The following SVEP1 variants were observed in gnomAD, a reference collection of about 807,000 sequenced individuals.
SVEP1 encodes sushi, von Willebrand factor type A, EGF and pentraxin domain-containing protein 1.
In SVEP1, 164 loss-of-function variants were observed where a neutral mutation model predicts 367.3. The observed-to-expected ratio is 0.45, with a 90% CI of 0.39 to 0.51. SVEP1 has a LOEUF of 0.51. Ranked by LOEUF, SVEP1 falls within the 20% of genes least tolerant of loss-of-function variation. The probability of loss-of-function intolerance (pLI) is 0.00; values close to 1 mark genes in which losing one functional copy is unlikely to be tolerated. For missense variants in SVEP1, 4,117 were observed against 4,425.3 expected (o/e 0.93, Z 1.98); for synonymous variants, 1,666 against 1,611.6 (o/e 1.03, Z -0.81).
At chr9:110,517,456 G>C (rs867572922) in intron 3 of SVEP1, among the ~76,000 whole-genome samples, 4 of 152,038 alleles carry the variant, frequency 2.6e-5, no homozygotes, top group Non-Finnish European at 4.4e-5. Flanking sequence ...AAGTTAGCTG[G>C]ACATGGTGGC....
At chr9:110,387,577 T>C in intron 41 of SVEP1, 119 bp from the exon 42 acceptor site, 1 of 1,089,350 alleles carries the variant, frequency 9.2e-7, no homozygotes, top group Non-Finnish European at 1.3e-6. Context: ...TACTCATGTG[T>C]GAAGCACAGT....
chr9:110,398,511 G>C (rs902751253), intron 40 of SVEP1, among the ~76,000 whole-genome samples: 3 of 152,128 alleles, frequency 2.0e-5, no homozygotes, highest in Admixed American at 6.6e-5. Flanking sequence ...TTAAACTAAA[G>C]AGCTTCTGCA....
intron 36 of SVEP1, among the ~76,000 whole-genome samples, chr9:110,424,744 A>G (rs1412006155): frequency 1.3e-5 from 2 of 152,146 alleles, no homozygotes; most frequent in Non-Finnish European, 2.9e-5. Flanking sequence ...GCGCGATCTC[A>G]GCTCACTGCA....
At chr9:110,454,085 G>T (rs1229957463) in intron 22 of SVEP1, among the ~76,000 whole-genome samples, 1 of 152,000 alleles carries the variant, frequency 6.6e-6, no homozygotes, top group Non-Finnish European at 1.5e-5. Flanking sequence ...ATTTGTTTAA[G>T]CTCCTTATAG....
chr9:110,366,675 A>C, intron 47 of SVEP1, 115 bp from the exon 48 acceptor site: 4 of 981,192 alleles, frequency 4.1e-6, no homozygotes, highest in Non-Finnish European at 5.8e-6. Context: ...ATACCTGGGC[A>C]TTATCTGTGA....
chr9:110,560,354 A>G (rs1380947906), intron 1 of SVEP1, among the ~76,000 whole-genome samples: 1 of 152,204 alleles, frequency 6.6e-6, no homozygotes. Flanking sequence ...CTCAGAAGGT[A>G]TCCCCATTGT....
intron 11 of SVEP1, 86 bp from the exon 12 acceptor site, chr9:110,481,522 G>T: frequency 1.0e-6 from 1 of 972,894 alleles, no homozygotes; most frequent in East Asian, 3.0e-5. Context: ...ATTTTGAAAA[G>T]GACTCCTCCT....
intron 1 of SVEP1, among the ~76,000 whole-genome samples, chr9:110,559,785 T>C (rs927507655): frequency 3.9e-5 from 6 of 151,994 alleles, no homozygotes; most frequent in African/African-American, 1.4e-4. Context: ...TTTGCAATAA[T>C]AAAAAATTAG....
chr9:110,539,094 G>A (rs764038689), intron 3 of SVEP1, among the ~76,000 whole-genome samples: 1 of 152,010 alleles, frequency 6.6e-6, no homozygotes, highest in African/African-American at 2.4e-5. Flanking sequence ...TAAAATTCTG[G>A]TATTAAAGTT....
At chr9:110,400,728 G>C (rs1827845800) in intron 40 of SVEP1, 126 bp downstream of exon 40, 1 of 1,077,702 alleles carries the variant, frequency 9.3e-7, no homozygotes, top group African/African-American at 1.6e-5. Flanking sequence ...TAGAGTATAA[G>C]GGAACAAAGT....
rs755524760 is a variant in SVEP1, at chr9:110,379,453, A to G, written c.10302T>C (p.Tyr3434=). Reference sequence around the variant, plus strand: ...AACATGAGTAGGTGATCATGTCTCCATATTGATAATGTACGCCTCGAGCAA... The same window carrying G: ...AACATGAGTAGGTGATCATGTCTCCGTATTGATAATGTACGCCTCGAGCAA... ...NAIARGVHYQ[Y]GDMITYSCYS... Residue 3434 remains tyrosine, a synonymous_variant, in exon 44 of 48, where the codon TAT becomes TAC. Coordinates refer to ENST00000374469, the MANE Select transcript of SVEP1 (RefSeq NM_153366.4). 12 of 1,613,708 alleles carry G rather than the reference A, an allele frequency of 7.4e-6. No individual in the cohort carries two copies. In the East Asian group the frequency reaches 2.0e-4, roughly 27 times the overall value.
At chr9:110,492,804 C>T (rs902193577) in intron 8 of SVEP1, among the ~76,000 whole-genome samples, 1 of 152,044 alleles carries the variant, frequency 6.6e-6, no homozygotes, top group African/African-American at 2.4e-5. Flanking sequence ...GCATCCCATT[C>T]CCAGGCTGGA....
At chr9:110,566,806 AG>A (rs1437785885) in intron 1 of SVEP1, among the ~76,000 whole-genome samples, 1 of 152,240 alleles carries the variant, frequency 6.6e-6, no homozygotes, top group East Asian at 1.9e-4. Flanking sequence ...TGAATTTAAA[AG>A]CCCAGAGCCT....
At chr9:110,372,790 G>A (rs1827297917) in intron 46 of SVEP1, among the ~76,000 whole-genome samples, 2 of 152,216 alleles carry the variant, frequency 1.3e-5, no homozygotes, top group African/African-American at 4.8e-5. Context: ...CACAGTGTGT[G>A]ATGGTAGGAT....
In SVEP1 at chr9:110,366,842, G is replaced by A. The variant is rs10114269; in HGVS notation, c.10695-282C>T. Reference sequence around the variant, plus strand: ...CTTACAATTCTCTCTTCTGTAAAATGAGGGGTTTGGAGCTAATGAACCTAA... The same window carrying A: ...CTTACAATTCTCTCTTCTGTAAAATAAGGGGTTTGGAGCTAATGAACCTAA... On this transcript the variant is annotated intron_variant, in intron 47 of 47. Coordinates refer to ENST00000374469, the MANE Select transcript of SVEP1 (RefSeq NM_153366.4). Among the ~76,000 whole-genome samples, 1,088 of 152,216 alleles carry A rather than the reference G, an allele frequency of 7.1e-3. 8 individuals are homozygous for A. Among genetic ancestry groups the A allele is most frequent in the African/African-American group, 0.025 (1,040 of 41,502 alleles).
At chr9:110,366,830 CT>C (rs1338617097) in intron 47 of SVEP1, among the ~76,000 whole-genome samples, 4 of 152,184 alleles carry the variant, frequency 2.6e-5, no homozygotes, top group Non-Finnish European at 5.9e-5. Flanking sequence ...ACAATTCTCT[CT>C]TCTGTAAAAT....
chr9:110,407,729 C>T lies in SVEP1; in HGVS notation c.7871G>A (p.Cys2624Tyr). The change falls in exon 38 of 48, where the codon TGT becomes TAT. Residue 2624 changes from cysteine to tyrosine, a missense_variant. By Grantham distance (194) the Cys-to-Tyr change is radical (BLOSUM62 -2). This residue lies in a region of SVEP1 where 1,765 missense variants were observed against 1,781.1 expected (regional missense o/e 0.99). Coordinates refer to ENST00000374469, the MANE Select transcript of SVEP1 (RefSeq NM_153366.4). ...TCCCTGGTCATCTTTGAGTTTAGTA[C>T]AGTCTCCAAAATCTATATGAGGAGG... ...GLPPHIDFGDCTKLKDDQGYF... is the reference protein window; with the variant it reads ...GLPPHIDFGDYTKLKDDQGYF... The T allele has an allele frequency of 6.2e-7, 1 of 1,613,984 alleles. No individual in the cohort carries two copies. The highest frequency in any genetic ancestry group is 8.5e-7 in the Non-Finnish European group (1 of 1,179,890).
chr9:110,399,913 T>G (rs987559932), intron 40 of SVEP1, among the ~76,000 whole-genome samples: 4 of 152,192 alleles, frequency 2.6e-5, no homozygotes, highest in African/African-American at 7.2e-5. Context: ...CATGGTGTAA[T>G]GTAAAATAGG....
chr9:110,445,339 A>C (rs1033190221), intron 26 of SVEP1, among the ~76,000 whole-genome samples: 3 of 152,196 alleles, frequency 2.0e-5, no homozygotes, highest in Non-Finnish European at 4.4e-5. Flanking sequence ...GATTCTAAAA[A>C]AAATATGCAC....
Sources: allele counts gnomAD v4.1 joint callset (sites outside exome capture counted in the v4.1 genomes callset), GRCh38; gene constraint gnomAD v4.1.1; regional missense constraint gnomAD v4.1.1; transcripts MANE v1.5; gene names NCBI Gene and HGNC (gene_info 2026-07-23, HGNC 2026-07-21).